PACRG: variants seen among roughly 807,000 people sequenced by gnomAD.
PACRG encodes the protein parkin coregulated.
PACRG carries 29 observed loss-of-function variants against 29.7 expected under a neutral mutation model. That is an observed-to-expected ratio of 0.98 (90% CI 0.73 to 1.33). The LOEUF is 1.33. PACRG is among the 40% of genes most tolerant of loss of function. The pLI, the probability that PACRG is intolerant of heterozygous loss-of-function variation, is 0.00. For missense variants in PACRG, 279 were observed against 316.2 expected (o/e 0.88, Z 0.89); for synonymous variants, 116 against 118.7 (o/e 0.98, Z 0.15).
At chr6:162,986,675 T>A (rs532992087) in intron 2 of PACRG, among the ~76,000 whole-genome samples, 2 of 152,112 alleles carry the variant, frequency 1.3e-5, no homozygotes, top group Non-Finnish European at 2.9e-5. Flanking sequence ...ACCAAGAACC[T>A]TGAAGCAAAT....
intron 2 of PACRG, among the ~76,000 whole-genome samples, chr6:162,925,338 A>C (rs757820244): frequency 2.6e-5 from 4 of 152,132 alleles, no homozygotes; most frequent in Admixed American, 6.5e-5. Context: ...TCCTGACATA[A>C]AACCCTGGCA....
intron 2 of PACRG, among the ~76,000 whole-genome samples, chr6:163,035,509 C>T (rs371243752): frequency 4.6e-5 from 7 of 151,954 alleles, no homozygotes; most frequent in South Asian, 2.1e-4. Context: ...TAGCCAGGTA[C>T]GGTGGCAGGT....
chr6:162,821,286 G>T (rs116764999), intron 2 of PACRG, among the ~76,000 whole-genome samples: 1 of 152,038 alleles, frequency 6.6e-6, no homozygotes, highest in African/African-American at 2.4e-5. Context: ...TAGGGCATAC[G>T]CCATCTCATC....
rs530260468 is a variant in PACRG at position 163,173,803 on chromosome 6, A to G, written c.613+84395A>G. Among the ~76,000 whole-genome samples the G allele has an allele frequency of 6.6e-5, 10 of 152,310 alleles. 1 individual carries two copies. Among genetic ancestry groups the G allele is most frequent in the Non-Finnish European group, 5.9e-5 (4 of 68,026 alleles). On this transcript the variant is annotated intron_variant, in intron 4 of 4. Coordinates refer to ENST00000366888, the MANE Select transcript of PACRG (RefSeq NM_001080379.2). ...TTCACCTCTATTTGACAGGCCCTTC[A>G]TAAGTTCCTAGTTAAAACCTTGGGG...
At chr6:163,101,283 G>A in intron 4 of PACRG, 17 of 982,466 alleles carry the variant, frequency 1.7e-5, no homozygotes, top group Non-Finnish European at 2.1e-5. Flanking sequence ...CATAATGACA[G>A]GATTATTGCC....
chr6:162,935,550 T>C (rs1195180784), intron 2 of PACRG, among the ~76,000 whole-genome samples: 4 of 151,972 alleles, frequency 2.6e-5, no homozygotes, highest in Admixed American at 2.0e-4. Context: ...TTTTGTTTGG[T>C]TCTTTTATAT....
intron 4 of PACRG, among the ~76,000 whole-genome samples, chr6:163,135,362 T>C (rs935327404): frequency 2.0e-5 from 3 of 152,166 alleles, no homozygotes; most frequent in East Asian, 3.9e-4. Context: ...CTAATTTTTG[T>C]ATTTTTAGTA....
intron 2 of PACRG, among the ~76,000 whole-genome samples, chr6:162,965,972 G>C (rs571768746): frequency 6.6e-6 from 1 of 152,224 alleles, no homozygotes; most frequent in Admixed American, 6.5e-5. Flanking sequence ...GAGGAATATC[G>C]TGCAGCTCCG....
chr6:163,028,203 TA>T (rs1807327340), intron 2 of PACRG, among the ~76,000 whole-genome samples: 1 of 152,168 alleles, frequency 6.6e-6, no homozygotes, highest in African/African-American at 2.4e-5. Flanking sequence ...ATTATAAGTA[TA>T]AAAAAGTTAA....
At position 163,079,890 on chromosome 6, in the gene PACRG, C is replaced by CTTTTTTTT. The variant is rs67162530; in HGVS notation, c.464-9351_464-9344dup. On this transcript the variant is annotated intron_variant, in intron 3 of 4. Coordinates refer to ENST00000366888, the MANE Select transcript of PACRG (RefSeq NM_001080379.2). ...CAGAAGAAGAAATGTAGCAGTCATTCTTTTTTTTTTTTTTTTTTTTTTTTT... is the reference window on the plus strand; with the variant it reads ...CAGAAGAAGAAATGTAGCAGTCATTCTTTTTTTTTTTTTTTTTTTTTTTTTTTTTTTTT... Among the ~76,000 whole-genome samples, 154 of 78,696 alleles carry CTTTTTTTT rather than the reference C, an allele frequency of 2.0e-3. 9 individuals carry two copies. The highest frequency in any genetic ancestry group is 4.8e-3 in the African/African-American group (88 of 18,460). 51.6% of individuals were successfully genotyped at this position (78,696 alleles called of 152,430 possible).
At chr6:163,060,201 G>A (rs1470047079) in intron 2 of PACRG, among the ~76,000 whole-genome samples, 1 of 152,064 alleles carries the variant, frequency 6.6e-6, no homozygotes, top group Non-Finnish European at 1.5e-5. Flanking sequence ...TTAGGCCATA[G>A]TAAAATACAA....
At chr6:163,243,808 A>C (rs1782592145) in intron 4 of PACRG, among the ~76,000 whole-genome samples, 1 of 152,196 alleles carries the variant, frequency 6.6e-6, no homozygotes, top group South Asian at 2.1e-4. Flanking sequence ...GTTTTAACCA[A>C]CAGAAGAGAT....
chr6:163,220,195 G>T (rs1781524383), intron 4 of PACRG, among the ~76,000 whole-genome samples: 1 of 152,048 alleles, frequency 6.6e-6, no homozygotes, highest in African/African-American at 2.4e-5. Flanking sequence ...GACAGATAGA[G>T]TCAGGACAGA....
intron 3 of PACRG, among the ~76,000 whole-genome samples, chr6:163,067,136 T>C (rs483277): frequency 0.5 from 75,311 of 151,918 alleles, 21,688 homozygotes; most frequent in East Asian, 0.92. Flanking sequence ...ACAGCCTTCC[T>C]GCTGTAGCAC....
At chr6:163,040,728 TCCTTTG>T (rs1808616143) in intron 2 of PACRG, among the ~76,000 whole-genome samples, 1 of 152,212 alleles carries the variant, frequency 6.6e-6, no homozygotes. Flanking sequence ...GGCCTGTGGC[TCCTTTG>T]TTTTGGCTAA....
chr6:162,968,147 T>C (rs1801206396), intron 2 of PACRG, among the ~76,000 whole-genome samples: 1 of 152,196 alleles, frequency 6.6e-6, no homozygotes, highest in Admixed American at 6.5e-5. Context: ...GGGTTGTATG[T>C]CTGTTTCTAT....
At chr6:163,141,367 C>T (rs1457731448) in intron 4 of PACRG, among the ~76,000 whole-genome samples, 1 of 151,166 alleles carries the variant, frequency 6.6e-6, no homozygotes, top group African/African-American at 2.4e-5. Context: ...GACTGAGATA[C>T]CAGAAATAAT....
At chr6:162,740,545 T>C (rs373928767) in intron 1 of PACRG, among the ~76,000 whole-genome samples, 1 of 150,950 alleles carries the variant, frequency 6.6e-6, no homozygotes, top group African/African-American at 2.4e-5. Flanking sequence ...CTTGATCTCC[T>C]GACCTCGCGA....
At chr6:162,755,530 G>A (rs1185756221) in intron 1 of PACRG, among the ~76,000 whole-genome samples, 1 of 152,070 alleles carries the variant, frequency 6.6e-6, no homozygotes. Context: ...CTGCCTCCCT[G>A]GTTCAAGTGA....
Sources: allele counts gnomAD v4.1 joint callset (sites outside exome capture counted in the v4.1 genomes callset), GRCh38; gene constraint gnomAD v4.1.1; transcripts MANE v1.5; gene names NCBI Gene and HGNC (gene_info 2026-07-23, HGNC 2026-07-21).